PATL2: variants seen among roughly 807,000 people sequenced by gnomAD.
PATL2 encodes the protein protein PAT1 homolog 2.
PATL2 carries 73 observed loss-of-function variants against 77.0 expected under a neutral mutation model. The observed-to-expected ratio is 0.95, with a 90% CI of 0.78 to 1.15. The LOEUF (loss-of-function observed/expected upper bound fraction) is 1.15. PATL2 is among the 50% of genes most tolerant of loss of function. The pLI is 0.00. For missense variants in PATL2, 618 were observed against 655.4 expected, an observed-to-expected ratio of 0.94 and a Z score of 0.62; for synonymous variants, 265 against 257.1, an observed-to-expected ratio of 1.03 and a Z score of -0.29.
At chr15:44,683,871 C>T (rs2141231917) in intron 3 of PATL2, among the ~76,000 whole-genome samples, 1 of 152,218 alleles carries the variant, frequency 6.6e-6, no homozygotes, top group African/African-American at 2.4e-5. Context: ...GTGGGTGCCC[C>T]TCTGGGACAA....
At chr15:44,671,348 G>T (rs1257147467) in intron 9 of PATL2, among the ~76,000 whole-genome samples, 1 of 152,176 alleles carries the variant, frequency 6.6e-6, no homozygotes, top group East Asian at 1.9e-4. Flanking sequence ...AATTAGCTGC[G>T]TATGGTGGTG....
At chr15:44,684,919 C>T (rs533470473) in intron 3 of PATL2, among the ~76,000 whole-genome samples, 1 of 152,312 alleles carries the variant, frequency 6.6e-6, no homozygotes, top group Non-Finnish European at 1.5e-5. Context: ...CCCTACAATC[C>T]AGAAGAGAGT....
At chr15:44,676,869 C>G (rs1459870107) in intron 3 of PATL2, 1 of 1,096,654 alleles carries the variant, frequency 9.1e-7, no homozygotes, top group African/African-American at 1.6e-5. Context: ...CACCCACCAC[C>G]TGACTGTTGC....
At chr15:44,706,772 C>T (rs940200660) in intron 3 of PATL2, among the ~76,000 whole-genome samples, 3 of 152,350 alleles carry the variant, frequency 2.0e-5, no homozygotes, top group Non-Finnish European at 4.4e-5. Context: ...CCTATGTTCA[C>T]TCAAGGCCCT....
intron 9 of PATL2, among the ~76,000 whole-genome samples, chr15:44,671,771 A>G (rs1012226845): frequency 2.6e-5 from 4 of 152,230 alleles, no homozygotes; most frequent in African/African-American, 4.8e-5. Flanking sequence ...AGCAAAGAGT[A>G]GAGACAAAAC....
chr15:44,666,450 G>T lies in PATL2; in HGVS notation c.1555C>A (p.Pro519Thr). Residue 519 changes from proline to threonine, a missense_variant, in exon 17 of 18, where the codon CCC becomes ACC. Pro to Thr is a conservative substitution (Grantham distance 38). Coordinates refer to ENST00000682850, the MANE Select transcript of PATL2 (RefSeq NM_001387263.1). Reference protein sequence around the residue: ...EPLAFPSNLLPLFCHHVDKQL... With the variant: ...EPLAFPSNLLTLFCHHVDKQL... The stretch of plus-strand genomic sequence containing the variant: ...TTGTCCACGTGGTGACAGAACAGGG[G>T]AAGTAGGTTGCTGGGGAAAGCTAGG... 1.3e-6 allele frequency: 2 copies of T among 1,551,726 alleles called. No homozygotes were observed. Among genetic ancestry groups the T allele is most frequent in the Non-Finnish European group, 1.7e-6 (2 of 1,146,990 alleles).
chr15:44,709,992 C>T (rs2086820335), intron 3 of PATL2, among the ~76,000 whole-genome samples, 104 bp downstream of exon 3: 1 of 152,120 alleles, frequency 6.6e-6, no homozygotes, highest in Non-Finnish European at 1.5e-5. Flanking sequence ...TACATTTAGG[C>T]ATAACAATTA....
intron 3 of PATL2, 158 bp from the exon 4 acceptor site, chr15:44,676,723 C>G (rs749808181): frequency 2.5e-6 from 3 of 1,220,140 alleles, no homozygotes; most frequent in Non-Finnish European, 3.3e-6. Context: ...CCATAAACAC[C>G]CACCCTCCCA....
chr15:44,699,076 A>G (rs1318164750), intron 3 of PATL2, among the ~76,000 whole-genome samples: 1 of 152,168 alleles, frequency 6.6e-6, no homozygotes, highest in Non-Finnish European at 1.5e-5. Context: ...TCTTTTGCCC[A>G]TTTTTAAAAT....
intron 9 of PATL2, among the ~76,000 whole-genome samples, chr15:44,671,263 T>G (rs1595961610): frequency 6.6e-6 from 1 of 151,670 alleles, no homozygotes; most frequent in African/African-American, 2.4e-5. Context: ...CCGAGGCGGG[T>G]GGATCACTTG....
intron 4 of PATL2, 43 bp downstream of exon 4, chr15:44,676,432 T>C (rs1210050649): frequency 2.7e-6 from 4 of 1,494,894 alleles, no homozygotes; most frequent in Admixed American, 3.9e-5. Flanking sequence ...AACCTCTGCA[T>C]GCTGGGGCAT....
At chr15:44,701,626 G>A (rs1045582330) in intron 3 of PATL2, among the ~76,000 whole-genome samples, 2 of 150,778 alleles carry the variant, frequency 1.3e-5, no homozygotes, top group Non-Finnish European at 2.9e-5. Flanking sequence ...AACCCAGGGG[G>A]TGGAGGTTGC....
chr15:44,666,058 A>G lies in PATL2; in HGVS notation c.1614-87T>C, dbSNP rs146784270. On this transcript the variant is annotated intron_variant, in intron 17 of 17. Coordinates refer to ENST00000682850, the MANE Select transcript of PATL2 (RefSeq NM_001387263.1). ...TAATTAGTATCTGACTCTTTCTAGC[A>G]GTAATTCTGAGGACAGAGATGACCA... is the stretch of plus-strand genomic sequence containing the variant. The G allele has an allele frequency of 3.4e-4, 419 of 1,221,276 alleles. 1 individual carries two copies. In the African/African-American group the frequency reaches 5.8e-3, roughly 17 times the overall value. 75.7% of individuals were successfully genotyped at this position (1,221,276 alleles called of 1,614,324 possible). A position where few individuals can be genotyped will look rare whatever the true frequency, so the allele number is the denominator to read the frequency against.
intron 7 of PATL2, among the ~76,000 whole-genome samples, chr15:44,672,678 G>A (rs995957641): frequency 6.6e-6 from 1 of 152,136 alleles, no homozygotes; most frequent in Admixed American, 6.5e-5. Context: ...GGAAATCTTG[G>A]AACAGTAGAA....
At chr15:44,679,558 T>C (rs950790200) in intron 3 of PATL2, among the ~76,000 whole-genome samples, 37 of 147,610 alleles carry the variant, frequency 2.5e-4, no homozygotes, top group African/African-American at 5.9e-4. Context: ...TTTTCTTTTT[T>C]TTTTTTTTTT....
chr15:44,710,420 T>C (rs1164321889), intron 2 of PATL2, among the ~76,000 whole-genome samples: 1 of 152,166 alleles, frequency 6.6e-6, no homozygotes, highest in Non-Finnish European at 1.5e-5. Context: ...TTATGGTCAC[T>C]TTAGAGGGTA....
chr15:44,709,698 A>G (rs1397867689), intron 3 of PATL2, among the ~76,000 whole-genome samples: 1 of 152,206 alleles, frequency 6.6e-6, no homozygotes, highest in Non-Finnish European at 1.5e-5. Flanking sequence ...ATTCCCCCCC[A>G]AAGAAAACTG....
Position 44,692,921 on chromosome 15 carries a change from A to G in PATL2, c.-75-16356T>C, listed in dbSNP as rs572569709. 2.6e-5 allele frequency among the ~76,000 whole-genome samples: 4 copies of G among 152,360 alleles called. No individual in the cohort carries two copies. In the South Asian group the frequency reaches 8.3e-4, roughly 32 times the overall value. ...TGCTGGGCCCACATCACTGGGGCTA[A>G]CTCAGCTCAGTTTGTGGCAGTGATA... On this transcript the variant is annotated intron_variant, in intron 3 of 17. Coordinates refer to ENST00000682850, the MANE Select transcript of PATL2 (RefSeq NM_001387263.1).
At chr15:44,706,113 T>C (rs2141273559) in intron 3 of PATL2, among the ~76,000 whole-genome samples, 1 of 152,324 alleles carries the variant, frequency 6.6e-6, no homozygotes, top group East Asian at 1.9e-4. Context: ...ACAGCTATTT[T>C]GAATTCTGTT....
Sources: gnomAD v4.1 joint callset for allele counts (sites outside exome capture counted in the v4.1 genomes callset) on GRCh38, gnomAD v4.1.1 for gene constraint, MANE v1.5 for transcripts, NCBI Gene and HGNC (gene_info 2026-07-23, HGNC 2026-07-21) for gene names.